HIVEP3: variants seen among roughly 807,000 people sequenced by gnomAD.
HIVEP3 encodes the protein HIVEP zinc finger 3.
Under a neutral mutation model 152.8 loss-of-function variants are expected in HIVEP3, and 49 were observed. The ratio of observed to expected loss-of-function variants is 0.32; its 90% CI spans 0.26 to 0.41. The LOEUF is 0.41. HIVEP3 is among the 10% of genes least tolerant of loss of function. The probability of loss-of-function intolerance (pLI) is 1.00; values close to 1 mark genes in which losing one functional copy is unlikely to be tolerated. For missense variants in HIVEP3, 2,790 were observed against 3,103.3 expected, an observed-to-expected ratio of 0.90 and a Z score of 2.40; for synonymous variants, 1,269 against 1,289.0, an observed-to-expected ratio of 0.98 and a Z score of 0.33.
At chr1:41,633,519 C>T (rs1368926833) in intron 2 of HIVEP3, among the ~76,000 whole-genome samples, 2 of 152,144 alleles carry the variant, frequency 1.3e-5, no homozygotes, top group South Asian at 4.1e-4. Context: ...GAAAGTACCT[C>T]CCCACACACC....
In HIVEP3 at chr1:41,763,419, C is replaced by T. The variant is rs562217328; in HGVS notation, c.-800-62424G>A. On this transcript the variant is annotated intron_variant, in intron 1 of 8. Coordinates refer to ENST00000372583, the MANE Select transcript of HIVEP3 (RefSeq NM_024503.5). Reference sequence around the variant, plus strand: ...CAGCAGCAGCCATCCAGGGAGTGCTCGTCCTCTCTGAGACCTGCCTGGCTC... The same window carrying T: ...CAGCAGCAGCCATCCAGGGAGTGCTTGTCCTCTCTGAGACCTGCCTGGCTC... Among the ~76,000 whole-genome samples, 40 of 152,296 alleles carry T rather than the reference C, an allele frequency of 2.6e-4. No individual in the cohort carries two copies. The South Asian group carries it at 5.8e-3, about 22-fold the overall frequency.
intron 1 of HIVEP3, among the ~76,000 whole-genome samples, chr1:41,902,550 G>C (rs963704177): frequency 6.6e-5 from 10 of 152,188 alleles, no homozygotes; most frequent in Admixed American, 2.6e-4. Flanking sequence ...GGCCAGGACA[G>C]AAACTCCCAG....
At chr1:41,649,311 C>T (rs1354203992) in intron 2 of HIVEP3, among the ~76,000 whole-genome samples, 1 of 152,146 alleles carries the variant, frequency 6.6e-6, no homozygotes, top group Non-Finnish European at 1.5e-5. Flanking sequence ...TTGCAGAATC[C>T]CAGGCTCCAC....
intron 1 of HIVEP3, among the ~76,000 whole-genome samples, chr1:41,781,645 C>T (rs562947520): frequency 5.1e-4 from 78 of 152,316 alleles, no homozygotes; most frequent in South Asian, 6.2e-4. Context: ...AAAACCCTAC[C>T]ATGGTTTCCC....
At chr1:41,518,530 G>A in intron 6 of HIVEP3, 42 bp from the exon 7 acceptor site, 1 of 1,572,184 alleles carries the variant, frequency 6.4e-7, no homozygotes, top group Non-Finnish European at 8.8e-7. Flanking sequence ...TATGGGGCAG[G>A]AGGCCAGGGC....
At chr1:41,983,720 A>G (rs889120194) in intron 1 of HIVEP3, among the ~76,000 whole-genome samples, 5 of 152,164 alleles carry the variant, frequency 3.3e-5, no homozygotes, top group Admixed American at 1.3e-4. Context: ...TCAGGATACC[A>G]GATCCACCTC....
At chr1:41,722,403 GCCTTCCTTCCTTCCTT>G (rs374319014) in intron 1 of HIVEP3, among the ~76,000 whole-genome samples, 1 of 112,974 alleles carries the variant, frequency 8.9e-6, no homozygotes, top group Non-Finnish European at 1.8e-5. Context: ...AATTTGGCTG[GCCTTCCTTCCTTCCTT>G]CCTTCCTTCC....
chr1:41,818,162 A>G (rs1489698173), intron 1 of HIVEP3, among the ~76,000 whole-genome samples: 1 of 152,278 alleles, frequency 6.6e-6, no homozygotes, highest in Non-Finnish European at 1.5e-5. Flanking sequence ...ATGGCAAAGC[A>G]TATGAATAGG....
At chr1:41,955,888 C>CTT (rs1645137865) in intron 1 of HIVEP3, among the ~76,000 whole-genome samples, 1 of 152,158 alleles carries the variant, frequency 6.6e-6, no homozygotes, top group Non-Finnish European at 1.5e-5. Flanking sequence ...GCCTCCGGGA[C>CTT]TTAAGTTATT....
At chr1:41,718,787 C>T (rs1299092441) in intron 1 of HIVEP3, among the ~76,000 whole-genome samples, 1 of 149,100 alleles carries the variant, frequency 6.7e-6, no homozygotes, top group Non-Finnish European at 1.5e-5. Context: ...CACACACACA[C>T]ACACACACAC....
chr1:41,705,613 G>A (rs1442131737), intron 1 of HIVEP3, among the ~76,000 whole-genome samples: 1 of 152,232 alleles, frequency 6.6e-6, no homozygotes, highest in Non-Finnish European at 1.5e-5. Context: ...GGAAGCAAAT[G>A]TTTTGAAGGA....
At chr1:41,777,615 T>C (rs550475135) in intron 1 of HIVEP3, among the ~76,000 whole-genome samples, 1 of 152,352 alleles carries the variant, frequency 6.6e-6, no homozygotes, top group Non-Finnish European at 1.5e-5. Context: ...TTCACATGCA[T>C]TCGCTTTCCG....
chr1:41,531,336 A>C (rs1452717869), intron 5 of HIVEP3, among the ~76,000 whole-genome samples: 1 of 135,860 alleles, frequency 7.4e-6, no homozygotes, highest in Non-Finnish European at 1.6e-5. Flanking sequence ...GACATGAGAC[A>C]TAGAGGACAG....
chr1:41,967,994 C>T (rs1222789129), intron 1 of HIVEP3, among the ~76,000 whole-genome samples: 1 of 152,038 alleles, frequency 6.6e-6, no homozygotes, highest in Non-Finnish European at 1.5e-5. Flanking sequence ...CAAGACTGAA[C>T]CAGGAAGAAG....
chr1:41,906,349 C>G (rs1477977667), intron 1 of HIVEP3, among the ~76,000 whole-genome samples: 1 of 151,720 alleles, frequency 6.6e-6, no homozygotes, highest in Non-Finnish European at 1.5e-5. Flanking sequence ...CAATGGAATA[C>G]CATTCAGCCA....
chr1:41,528,301 C>G (rs1643082062), intron 5 of HIVEP3, among the ~76,000 whole-genome samples: 1 of 131,374 alleles, frequency 7.6e-6, no homozygotes, highest in Non-Finnish European at 1.6e-5. Context: ...CACTCACCCT[C>G]ACACTCACCT....
chr1:41,981,796 G>A (rs1374456338), intron 1 of HIVEP3, among the ~76,000 whole-genome samples: 3 of 152,216 alleles, frequency 2.0e-5, no homozygotes, highest in African/African-American at 7.2e-5. Context: ...GGTGAAGGAA[G>A]AGAAGGGAAA....
intron 1 of HIVEP3, among the ~76,000 whole-genome samples, chr1:41,727,269 C>T (rs1197890709): frequency 6.6e-6 from 1 of 152,206 alleles, no homozygotes; most frequent in East Asian, 1.9e-4. Context: ...AGAGGCTAAG[C>T]AGGGAACCTG....
intron 3 of HIVEP3, among the ~76,000 whole-genome samples, chr1:41,592,769 A>G (rs1265687790): frequency 6.6e-6 from 1 of 152,238 alleles, no homozygotes; most frequent in African/African-American, 2.4e-5. Context: ...TGGCTCACCT[A>G]TAACATTCTA....
Sources: gnomAD v4.1 joint callset for allele counts (sites outside exome capture counted in the v4.1 genomes callset) on GRCh38, gnomAD v4.1.1 for gene constraint, MANE v1.5 for transcripts, NCBI Gene and HGNC (gene_info 2026-07-23, HGNC 2026-07-21) for gene names.